Variants in PIWIL2 observed in about 807,000 individuals in gnomAD.
PIWIL2 encodes the protein piwi-like protein 2.
A neutral mutation model predicts 116.5 loss-of-function variants in PIWIL2; 81 were observed. The observed-to-expected ratio is 0.70, with a 90% CI of 0.58 to 0.84. PIWIL2 has a LOEUF of 0.84. Ranked by LOEUF, PIWIL2 falls within the 40% of genes least tolerant of loss-of-function variation. The probability of loss-of-function intolerance (pLI) is 0.00; values close to 1 mark genes in which losing one functional copy is unlikely to be tolerated. For synonymous variants in PIWIL2, 489 were observed against 429.5 expected, an observed-to-expected ratio of 1.14 and a Z score of -1.71; for missense variants, 1,272 against 1,212.3, an observed-to-expected ratio of 1.05 and a Z score of -0.73.
chr8:22,282,104 G>A (rs940062442), intron 4 of PIWIL2, among the ~76,000 whole-genome samples: 1 of 131,786 alleles, frequency 7.6e-6, no homozygotes, highest in Non-Finnish European at 1.6e-5. Flanking sequence ...TTTAAGGGAT[G>A]GGGTCTCACT....
intron 13 of PIWIL2, 152 bp downstream of exon 13, chr8:22,306,168 C>G: frequency 3.2e-6 from 2 of 622,456 alleles, no homozygotes; most frequent in Non-Finnish European, 2.9e-6. Flanking sequence ...CAGTTTTCTC[C>G]TCTGTAAAAC....
chr8:22,293,159 T>G lies in PIWIL2; in HGVS notation c.1181+2813T>G, dbSNP rs897140720. ...TGCTTTTCTGCTTAGAAAGGTCTGC[T>G]TGGCCAGGGATGGTCTGGTTCATGG... On this transcript the variant is annotated intron_variant, in intron 10 of 22. Transcript: ENST00000356766. Among the ~76,000 whole-genome samples, 7 of 152,192 alleles carry G rather than the reference T, an allele frequency of 4.6e-5. 1 individual carries two copies. The highest frequency in any genetic ancestry group is 2.0e-4 in the Admixed American group (3 of 15,268).
chr8:22,329,698 A>G (rs1325602199), intron 20 of PIWIL2, among the ~76,000 whole-genome samples: 2 of 152,254 alleles, frequency 1.3e-5, no homozygotes, highest in Non-Finnish European at 2.9e-5. Flanking sequence ...CTGTAGCAAT[A>G]GTATATAGAA....
chr8:22,284,029 TA>T (rs1322888496), intron 5 of PIWIL2, 132 bp from the exon 6 acceptor site: 1 of 537,540 alleles, frequency 1.9e-6, no homozygotes, highest in African/African-American at 1.9e-5. Flanking sequence ...TGCCTCTTGA[TA>T]TGTGTATCTG....
chr8:22,293,703 C>T (rs1192737813), intron 10 of PIWIL2, among the ~76,000 whole-genome samples: 1 of 152,202 alleles, frequency 6.6e-6, no homozygotes, highest in Non-Finnish European at 1.5e-5. Context: ...TACTATTATA[C>T]AATTATTGAA....
Position 22,294,510 on chromosome 8 carries a change from G to A in PIWIL2, c.1181+4164G>A, listed in dbSNP as rs184085541. On this transcript the variant is annotated intron_variant, in intron 10 of 22. Coordinates refer to ENST00000356766, the MANE Select transcript of PIWIL2 (RefSeq NM_018068.5). Reference sequence around the variant, plus strand: ...CAAAAAATTAGCCGGGCGTGATGGCGGGCACCTGTAGTCCCAGCTACTCAG... The same window carrying A: ...CAAAAAATTAGCCGGGCGTGATGGCAGGCACCTGTAGTCCCAGCTACTCAG... Among the ~76,000 whole-genome samples, 1,458 of 150,134 alleles carry A rather than the reference G, an allele frequency of 9.7e-3. 25 individuals carry two copies. Among genetic ancestry groups the A allele is most frequent in the African/African-American group, 0.034 (1,389 of 40,876 alleles).
rs144128447 is a variant in PIWIL2 at position 22,309,123 on chromosome 8, G to A, written c.1687-838G>A. ...ATTACAAGCACGTGCCACCACGTCCGGCTAATTTTTGTATTTTTAGTAGAG... is the reference window on the plus strand; with the variant it reads ...ATTACAAGCACGTGCCACCACGTCCAGCTAATTTTTGTATTTTTAGTAGAG... On this transcript the variant is annotated intron_variant, in intron 14 of 22. Coordinates refer to ENST00000356766, the MANE Select transcript of PIWIL2 (RefSeq NM_018068.5). Among the ~76,000 whole-genome samples, 1,460 of 151,668 alleles carry A rather than the reference G, an allele frequency of 9.6e-3. 23 individuals are homozygous for A. Among genetic ancestry groups the A allele is most frequent in the African/African-American group, 0.034 (1,390 of 41,334 alleles).
chr8:22,293,153 G>A (rs1005632368), intron 10 of PIWIL2, among the ~76,000 whole-genome samples: 4 of 152,100 alleles, frequency 2.6e-5, no homozygotes, highest in African/African-American at 9.6e-5. Flanking sequence ...GCTTAGAAAG[G>A]TCTGCTTGGC....
At chr8:22,307,160 A>AT (rs1400789802) in intron 13 of PIWIL2, among the ~76,000 whole-genome samples, 2 of 152,024 alleles carry the variant, frequency 1.3e-5, no homozygotes, top group African/African-American at 4.8e-5. Flanking sequence ...TTTTTTACAC[A>AT]TTTTTTCCCA....
In PIWIL2 at chr8:22,311,073, A is replaced by C. The variant is rs371354237; in HGVS notation, c.1801-39A>C. On this transcript the variant is annotated intron_variant, in intron 15 of 22. Coordinates refer to ENST00000356766, the MANE Select transcript of PIWIL2 (RefSeq NM_018068.5). ...TCTTAAGTATGAGTTTGGGATATTT[A>C]AATTGTGAGAAATACTAAAAGCTCT... 106 of 1,511,020 alleles carry C rather than the reference A, an allele frequency of 7.0e-5. No individual in the cohort carries two copies. The African/African-American group carries it at 1.1e-3, about 16-fold the overall frequency. 93.6% of individuals were successfully genotyped at this position (1,511,020 alleles called of 1,614,324 possible).
rs749170609 is a variant in PIWIL2 at position 22,315,082 on chromosome 8, G to A, written c.2145G>A (p.Gln715=). The change falls in exon 18 of 23, where the codon CAG becomes CAA. Residue 715 remains glutamine, a synonymous_variant. Coordinates refer to ENST00000356766, the MANE Select transcript of PIWIL2 (RefSeq NM_018068.5). ...GQPTRLRSVA[Q]KILLQINCKL... Reference sequence around the variant, plus strand: ...CCACCAGGCTTCGGAGTGTGGCCCAGAAGATTTTACTTCAGATTAACTGTA... The same window carrying A: ...CCACCAGGCTTCGGAGTGTGGCCCAAAAGATTTTACTTCAGATTAACTGTA... 6.2e-7 allele frequency: 1 copy of A among 1,613,896 alleles called. No individual in the cohort carries two copies. The highest frequency in any genetic ancestry group is 2.2e-5 in the East Asian group (1 of 44,878).
chr8:22,311,049 C>A, intron 15 of PIWIL2, 63 bp from the exon 16 acceptor site: 1 of 1,340,414 alleles, frequency 7.5e-7, no homozygotes, highest in Non-Finnish European at 1.0e-6. Context: ...AGAATGAAAT[C>A]TTAAGTATGA....
chr8:22,353,370 C>T (rs888769501), intron 21 of PIWIL2, among the ~76,000 whole-genome samples, 158 bp downstream of exon 21: 2 of 152,110 alleles, frequency 1.3e-5, no homozygotes, highest in African/African-American at 4.8e-5. Context: ...ATTTAAGGGC[C>T]TGGCATGGTG....
chr8:22,308,215 A>T lies in PIWIL2; in HGVS notation c.1686+142A>T, dbSNP rs142390630. ...TTTCTAAGTTTTTTTTTTTTTTTTG[A>T]GACAGAGTCTTATTGGGATTACAGG... On this transcript the variant is annotated intron_variant, in intron 14 of 22. Coordinates refer to ENST00000356766, the MANE Select transcript of PIWIL2 (RefSeq NM_018068.5). 862 of 559,136 alleles carry T rather than the reference A, an allele frequency of 1.5e-3. 8 individuals carry two copies. In the African/African-American group the frequency reaches 0.016, roughly 10 times the overall value. 34.6% of individuals were successfully genotyped at this position (559,136 alleles called of 1,614,324 possible).
At chr8:22,309,311 A>G (rs1335372506) in intron 14 of PIWIL2, among the ~76,000 whole-genome samples, 1 of 151,892 alleles carries the variant, frequency 6.6e-6, no homozygotes. Flanking sequence ...AGGGACATTT[A>G]TGTTTTTAAT....
intron 22 of PIWIL2, among the ~76,000 whole-genome samples, chr8:22,354,808 G>A (rs957202694): frequency 3.2e-4 from 49 of 152,154 alleles, no homozygotes; most frequent in Non-Finnish European, 8.8e-5. Flanking sequence ...GGTGGCTCAC[G>A]CCTATAATCC....
Position 22,357,567 on chromosome 8 carries a change from A to G in PIWIL2, c.*2062A>G, listed in dbSNP as rs143633649. Reference sequence around the variant, plus strand: ...TGGGAAATAAAAACAACTTTGTATAAATTTGTAGTTGTGTTTGAAATAATG... The same window carrying G: ...TGGGAAATAAAAACAACTTTGTATAGATTTGTAGTTGTGTTTGAAATAATG... On this transcript the variant is annotated 3_prime_UTR_variant, in exon 23 of 23. Transcript: ENST00000356766. The G allele has an allele frequency of 2.0e-5, 3 of 152,182 alleles. No individual in the cohort carries two copies. The East Asian group carries it at 5.8e-4, about 29-fold the overall frequency. 9.4% of individuals were successfully genotyped at this position (152,182 alleles called of 1,614,324 possible). A position where few individuals can be genotyped will look rare whatever the true frequency, so the allele number is the denominator to read the frequency against.
At chr8:22,277,253 C>T (rs1208010523) in intron 1 of PIWIL2, among the ~76,000 whole-genome samples, 3 of 152,112 alleles carry the variant, frequency 2.0e-5, no homozygotes, top group African/African-American at 7.2e-5. Flanking sequence ...AGCTCCTGAT[C>T]TCAAGTGATC....
Position 22,275,399 on chromosome 8 carries a change from G to T in PIWIL2, c.-47+1G>T, listed in dbSNP as rs1830336798. 6.6e-6 allele frequency: 1 copy of T among 152,620 alleles called. No homozygotes were observed. The highest frequency in any genetic ancestry group is 6.5e-5 in the Admixed American group (1 of 15,292). 9.5% of individuals were successfully genotyped at this position (152,620 alleles called of 1,614,324 possible). On this transcript the variant is annotated splice_donor_variant, in intron 1 of 22. Coordinates refer to ENST00000356766, the MANE Select transcript of PIWIL2 (RefSeq NM_018068.5). LOFTEE classifies it low-confidence loss of function (5UTR_SPLICE). ...GACTGGGGCGAGGACTCGCGCACAG[G>T]TGAGTACTGGCCCCGGTTGCGGCAT...
Sources: allele counts gnomAD v4.1 joint callset (sites outside exome capture counted in the v4.1 genomes callset), GRCh38; gene constraint gnomAD v4.1.1; transcripts MANE v1.5; gene names NCBI Gene and HGNC (gene_info 2026-07-23, HGNC 2026-07-21).